The following GLB1L3 variants were observed in gnomAD, a reference collection of about 807,000 sequenced individuals.
GLB1L3 encodes the protein beta-galactosidase-1-like protein 3.
GLB1L3 carries 89 observed loss-of-function variants against 89.5 expected under a neutral mutation model. The ratio of observed to expected loss-of-function variants is 0.99; its 90% CI spans 0.84 to 1.19. GLB1L3 has a LOEUF of 1.19. Ranked by LOEUF, GLB1L3 falls within the 50% of genes most tolerant of loss-of-function variation. GLB1L3 has a pLI of 0.00. For synonymous variants in GLB1L3, 314 were observed against 312.3 expected (o/e 1.01, Z -0.06); for missense variants, 812 against 813.3 (o/e 1.00, Z 0.02).
At position 134,312,335 on chromosome 11, in the gene GLB1L3, A is replaced by G. The variant is rs755640872; in HGVS notation, c.1288-14A>G. On this transcript the variant is annotated splice_polypyrimidine_tract_variant and intron_variant, in intron 13 of 19. Coordinates refer to ENST00000431683, the MANE Select transcript of GLB1L3 (RefSeq NM_001080407.3). ...CAGCCCTTGGACTTCTGCTCTTGCCATTTCTCCTCATAGCCAGTCAGGTCG... is the reference window on the plus strand; with the variant it reads ...CAGCCCTTGGACTTCTGCTCTTGCCGTTTCTCCTCATAGCCAGTCAGGTCG... The G allele has an allele frequency of 3.1e-6, 5 of 1,612,690 alleles. No homozygotes were observed. The highest frequency in any genetic ancestry group is 2.2e-5 in the East Asian group (1 of 44,864).
intron 5 of GLB1L3, among the ~76,000 whole-genome samples, chr11:134,282,466 CCTT>C (rs1479139864): frequency 6.6e-6 from 1 of 152,156 alleles, no homozygotes; most frequent in East Asian, 1.9e-4. Context: ...CCTCCTCTGT[CCTT>C]CTCAAAATGC....
rs146203766 is a variant in GLB1L3, at chr11:134,307,216, T to A, written c.961+8T>A. 160 of 1,602,394 alleles carry A rather than the reference T, an allele frequency of 1.0e-4. No homozygotes were observed. The East Asian group carries it at 2.2e-3, about 22-fold the overall frequency. On this transcript the variant is annotated splice_region_variant and intron_variant, in intron 10 of 19. Coordinates refer to ENST00000431683, the MANE Select transcript of GLB1L3 (RefSeq NM_001080407.3). ...ATGTTAAAGATGCAAAGGGTGAGTG[T>A]TTTGCAGTGTTTGACTCCAGGAAGA...
chr11:134,312,313 C>A (rs767055784), intron 13 of GLB1L3, 36 bp from the exon 14 acceptor site: 1 of 1,608,066 alleles, frequency 6.2e-7, no homozygotes, highest in Non-Finnish European at 8.5e-7. Flanking sequence ...GACTGCTCAG[C>A]CCTTGGACTT....
chr11:134,319,751 C>T (rs866256235), downstream of GLB1L3, among the ~76,000 whole-genome samples: 38 of 136,914 alleles, frequency 2.8e-4, no homozygotes, highest in South Asian at 4.4e-4. Context: ...TGTGTGTGCG[C>T]GCGCGCGTGC....
chr11:134,278,034 G>A, intron 3 of GLB1L3, 122 bp downstream of exon 3: 1 of 872,354 alleles, frequency 1.1e-6, no homozygotes, highest in Non-Finnish European at 1.8e-6. Context: ...GTCGTTTCCA[G>A]CACATACATT....
rs1941399019 is a variant in GLB1L3 at position 134,292,224 on chromosome 11, A to G, written c.811+11A>G. The G allele has an allele frequency of 6.2e-7, 1 of 1,603,458 alleles. No individual in the cohort carries two copies. Among genetic ancestry groups the G allele is most frequent in the Admixed American group, 1.7e-5 (1 of 59,780 alleles). On this transcript the variant is annotated intron_variant, in intron 8 of 19. Coordinates refer to ENST00000431683, the MANE Select transcript of GLB1L3 (RefSeq NM_001080407.3). The stretch of plus-strand genomic sequence containing the variant: ...GCCACACCAAAGGAGGTACACATTT[A>G]GAGTTAGTTCACAGGAGAACAGGGC...
At chr11:134,313,077 G>T (rs1056281056) in intron 15 of GLB1L3, among the ~76,000 whole-genome samples, 190 bp downstream of exon 15, 1 of 152,134 alleles carries the variant, frequency 6.6e-6, no homozygotes, top group Non-Finnish European at 1.5e-5. Flanking sequence ...AGGAGCTACC[G>T]CATGTGTGCT....
Position 134,311,395 on chromosome 11 carries a change from G to A in GLB1L3, c.1287+225G>A, listed in dbSNP as rs892122176. On this transcript the variant is annotated intron_variant, in intron 13 of 19. Coordinates refer to ENST00000431683, the MANE Select transcript of GLB1L3 (RefSeq NM_001080407.3). ...GGGCAGCAGGACGTCGGAGGATCCC[G>A]GGTTCCCGCTTAGATGAACCTGTCT... 6 of 527,528 alleles carry A rather than the reference G, an allele frequency of 1.1e-5. No homozygotes were observed. The Admixed American group carries it at 1.6e-4, about 14-fold the overall frequency. The allele number at this position is 527,528 out of a possible 1,614,324, so 32.7% of individuals were successfully genotyped here.
Position 134,310,639 on chromosome 11 carries a change from C to A in GLB1L3, c.1168C>A (p.Gln390Lys). ...ATATCTGAAGCTTCAAAAACTCTTT[C>A]AATCTGTCTCAGGTACTCAGCACCC... ...EKYLKLQKLF[Q>K]SVSATPLPRV... Residue 390 changes from glutamine to lysine, a missense_variant, in exon 12 of 20, where the codon CAA becomes AAA. By Grantham distance (53) the Gln-to-Lys change is moderately conservative. This residue lies in a region of GLB1L3 where 618 missense variants were observed against 604.0 expected (regional missense o/e 1.02). Transcript: ENST00000431683. 4 of 1,612,380 alleles carry A rather than the reference C, an allele frequency of 2.5e-6. No individual in the cohort carries two copies. The highest frequency in any genetic ancestry group is 3.4e-6 in the Non-Finnish European group (4 of 1,178,626).
intron 10 of GLB1L3, among the ~76,000 whole-genome samples, chr11:134,307,612 T>C (rs879604641): frequency 6.6e-6 from 1 of 152,192 alleles, no homozygotes; most frequent in Non-Finnish European, 1.5e-5. Context: ...TCTCTAGCAG[T>C]GCATAGGCCC....
At position 134,292,127 on chromosome 11, in the gene GLB1L3, A is replaced by C. The variant is rs1028817883; in HGVS notation, c.730-5A>C. The C allele has an allele frequency of 1.1e-5, 17 of 1,612,202 alleles. No homozygotes were observed. Among genetic ancestry groups the C allele is most frequent in the Non-Finnish European group, 1.4e-5 (16 of 1,178,584 alleles). On this transcript the variant is annotated splice_polypyrimidine_tract_variant and splice_region_variant and intron_variant, in intron 7 of 19. Transcript: ENST00000431683. ...TGGGTTCATTTTGGTTAATTTTCTC[A>C]ACAGGCCCTGCTGAGAAGAGGGATT...
chr11:134,308,404 T>TCATCACCAC (rs1942433578), intron 10 of GLB1L3, among the ~76,000 whole-genome samples: 1 of 32,122 alleles, frequency 3.1e-5, no homozygotes, highest in Non-Finnish European at 5.6e-5. Context: ...ACCATCACCA[T>TCATCACCAC]CACCACCACC....
chr11:134,308,458 C>T (rs1419768962), intron 10 of GLB1L3, among the ~76,000 whole-genome samples: 30 of 31,482 alleles, frequency 9.5e-4, no homozygotes, highest in Non-Finnish European at 8.4e-4. Flanking sequence ...ACCACCACCA[C>T]CACCACCACC....
chr11:134,290,199 A>C (rs955376922), intron 7 of GLB1L3, among the ~76,000 whole-genome samples: 2 of 152,232 alleles, frequency 1.3e-5, no homozygotes, highest in African/African-American at 4.8e-5. Context: ...GGTTGTATTC[A>C]GCCAGCATTA....
intron 9 of GLB1L3, among the ~76,000 whole-genome samples, chr11:134,303,013 G>A (rs1002873522): frequency 6.6e-6 from 1 of 152,172 alleles, no homozygotes; most frequent in Non-Finnish European, 1.5e-5. Flanking sequence ...AAGTTTGCTT[G>A]ATGTATTTTG....
chr11:134,312,766 C>G lies in GLB1L3; in HGVS notation c.1429-50C>G, dbSNP rs757316827. On this transcript the variant is annotated intron_variant, in intron 14 of 19. Transcript: ENST00000431683. Reference sequence around the variant, plus strand: ...CTCCCGAAACCGCGGCCTCTCTTCTCCCTTTCTTCGGGTGGGCCTAGCAGT... The same window carrying G: ...CTCCCGAAACCGCGGCCTCTCTTCTGCCTTTCTTCGGGTGGGCCTAGCAGT... The G allele has an allele frequency of 4.7e-6, 7 of 1,485,752 alleles. No individual in the cohort carries two copies. In the South Asian group the frequency reaches 8.2e-5, roughly 17 times the overall value. The allele number at this position is 1,485,752 out of a possible 1,614,324, so 92.0% of individuals were successfully genotyped here.
intron 12 of GLB1L3, 195 bp from the exon 13 acceptor site, chr11:134,310,869 A>G: frequency 1.6e-6 from 1 of 621,520 alleles, no homozygotes; most frequent in Non-Finnish European, 2.9e-6. Flanking sequence ...TTCTTCACTG[A>G]AGCATAAAGA....
rs191396985 is a variant in GLB1L3 at position 134,315,993 on chromosome 11, T to C, written c.1779+1552T>C. 3.2e-3 allele frequency among the ~76,000 whole-genome samples: 489 copies of C among 152,306 alleles called. 4 individuals are homozygous for C. Among genetic ancestry groups the C allele is most frequent in the African/African-American group, 0.011 (476 of 41,566 alleles). On this transcript the variant is annotated intron_variant, in intron 18 of 19. Transcript: ENST00000431683. ...AAAGATTTTTTGAGGTAAAATTACA[T>C]AACATAAAATTAGTTCTGTTAAAGT...
chr11:134,308,111 TA>T (rs1942284551), intron 10 of GLB1L3, among the ~76,000 whole-genome samples: 2 of 131,856 alleles, frequency 1.5e-5, no homozygotes, highest in African/African-American at 5.6e-5. Flanking sequence ...CCAGCAACAA[TA>T]CCACCACCAT....
Sources: gnomAD v4.1 joint callset for allele counts (sites outside exome capture counted in the v4.1 genomes callset) on GRCh38, gnomAD v4.1.1 for gene constraint, gnomAD v4.1.1 regional missense constraint, MANE v1.5 for transcripts, NCBI Gene and HGNC (gene_info 2026-07-23, HGNC 2026-07-21) for gene names.